The following ANO3 variants were observed in gnomAD, a reference collection of about 807,000 sequenced individuals.
ANO3 encodes anoctamin-3.
ANO3 carries 99 observed loss-of-function variants against 144.8 expected under a neutral mutation model. The observed-to-expected ratio is 0.68, with a 90% CI of 0.58 to 0.81. The LOEUF (loss-of-function observed/expected upper bound fraction) is 0.81, where lower values mean the gene tolerates loss of function less well. Ranked by LOEUF, ANO3 falls within the 30% of genes least tolerant of loss-of-function variation. The pLI is 0.00. For synonymous variants in ANO3, 414 were observed against 392.6 expected (o/e 1.05, Z -0.64); for missense variants, 905 against 1,202.2 (o/e 0.75, Z 3.66).
intron 1 of ANO3, among the ~76,000 whole-genome samples, chr11:26,283,321 A>AATATATATATATATATAT (rs58419788): frequency 3.1e-4 from 15 of 49,096 alleles, no homozygotes; most frequent in African/African-American, 4.5e-4. Flanking sequence ...CAAATAAATA[A>AATATATATATATATATAT]ATATATATAT....
At chr11:26,555,287 T>C (rs1477313797) in intron 13 of ANO3, among the ~76,000 whole-genome samples, 1 of 152,140 alleles carries the variant, frequency 6.6e-6, no homozygotes, top group East Asian at 1.9e-4. Flanking sequence ...CATATGTCTC[T>C]CTCCTAGCCT....
chr11:26,394,851 C>T (rs972269067), intron 1 of ANO3, among the ~76,000 whole-genome samples: 14 of 152,140 alleles, frequency 9.2e-5, no homozygotes, highest in African/African-American at 3.4e-4. Context: ...GCTGGGATTA[C>T]AGGCTTGAGC....
intron 1 of ANO3, among the ~76,000 whole-genome samples, chr11:26,280,771 C>T (rs938856218): frequency 6.6e-6 from 1 of 152,184 alleles, no homozygotes; most frequent in Non-Finnish European, 1.5e-5. Flanking sequence ...GTTCTAAAAT[C>T]AGTCACCTGT....
chr11:26,390,074 C>CTTAA (rs1856835878), intron 1 of ANO3, among the ~76,000 whole-genome samples: 1 of 152,038 alleles, frequency 6.6e-6, no homozygotes, highest in African/African-American at 2.4e-5. Context: ...CATTTCCTGA[C>CTTAA]TTAACATGGT....
At chr11:26,495,410 A>C (rs1327325613) in intron 4 of ANO3, among the ~76,000 whole-genome samples, 1 of 152,008 alleles carries the variant, frequency 6.6e-6, no homozygotes, top group African/African-American at 2.4e-5. Context: ...CACCTGGCCA[A>C]AATCTAACTT....
At chr11:26,415,203 A>G (rs113764355) in intron 1 of ANO3, among the ~76,000 whole-genome samples, 18 of 152,148 alleles carry the variant, frequency 1.2e-4, no homozygotes, top group African/African-American at 4.1e-4. Context: ...TGTTGTTGGC[A>G]TATGAAAAAA....
At chr11:26,281,457 A>C (rs1215161907) in intron 1 of ANO3, among the ~76,000 whole-genome samples, 2 of 152,172 alleles carry the variant, frequency 1.3e-5, no homozygotes. Flanking sequence ...TTAGCTAAGA[A>C]CCTGTCCAAA....
intron 26 of ANO3, among the ~76,000 whole-genome samples, chr11:26,659,680 G>T (rs897325173): frequency 1.3e-5 from 2 of 152,056 alleles, no homozygotes; most frequent in Non-Finnish European, 2.9e-5. Flanking sequence ...CTGGGCAAAA[G>T]AATGAGATGC....
intron 4 of ANO3, among the ~76,000 whole-genome samples, chr11:26,477,193 C>T (rs544762047): frequency 6.6e-6 from 1 of 152,088 alleles, no homozygotes; most frequent in South Asian, 2.1e-4. Flanking sequence ...TGGTTTCCAT[C>T]GTCAAAAAGT....
Position 26,335,119 on chromosome 11 carries a change from C to T in ANO3, c.46+2798C>T, listed in dbSNP as rs533550493. ...GTAAGCCCTAATTTATTAATTTAAT[C>T]TCTGGTCTTTATTTTGAGCCCTGGA... is the stretch of plus-strand genomic sequence containing the variant. On this transcript the variant is annotated intron_variant, in intron 1 of 26. Transcript: ENST00000256737. 3.9e-5 allele frequency among the ~76,000 whole-genome samples: 6 copies of T among 152,244 alleles called. No individual in the cohort carries two copies. In the South Asian group the frequency reaches 1.2e-3, roughly 32 times the overall value.
intron 11 of ANO3, among the ~76,000 whole-genome samples, chr11:26,544,394 A>G (rs1320701698): frequency 6.6e-6 from 1 of 150,734 alleles, no homozygotes; most frequent in East Asian, 2.0e-4. Flanking sequence ...GGTTGAACTC[A>G]TAGAAGCAGA....
intron 4 of ANO3, among the ~76,000 whole-genome samples, chr11:26,487,229 A>G (rs1860488284): frequency 6.6e-6 from 1 of 152,180 alleles, no homozygotes; most frequent in African/African-American, 2.4e-5. Context: ...TTCCCACGCT[A>G]TTCTCATGAT....
intron 3 of ANO3, among the ~76,000 whole-genome samples, chr11:26,458,975 G>A (rs190419548): frequency 7.4e-4 from 112 of 152,248 alleles, no homozygotes; most frequent in Middle Eastern, 6.8e-3. Flanking sequence ...GAACTATGGA[G>A]ACTGTATTTT....
At chr11:26,394,189 C>T (rs1856947341) in intron 1 of ANO3, among the ~76,000 whole-genome samples, 1 of 152,022 alleles carries the variant, frequency 6.6e-6, no homozygotes, top group Non-Finnish European at 1.5e-5. Flanking sequence ...AAATTCTAAT[C>T]ATATTTTCTA....
rs533668322 is a variant in ANO3, at chr11:26,566,002, T to G, written c.1447+6223T>G. ...TAAAAATCTAGACATAATATAGAGA[T>G]GGTAATATCATATTTTTATTCCAAA... On this transcript the variant is annotated intron_variant, in intron 14 of 26. Coordinates refer to ENST00000256737, the MANE Select transcript of ANO3 (RefSeq NM_031418.4). 13 of 1,132,790 alleles carry G rather than the reference T, an allele frequency of 1.1e-5. 1 individual carries two copies. The South Asian group carries it at 2.1e-4, about 18-fold the overall frequency. 70.2% of individuals were successfully genotyped at this position (1,132,790 alleles called of 1,614,324 possible).
intron 1 of ANO3, among the ~76,000 whole-genome samples, chr11:26,438,682 G>T (rs1279327037): frequency 6.6e-6 from 1 of 151,014 alleles, no homozygotes; most frequent in African/African-American, 2.4e-5. Flanking sequence ...GGGGGCTGGG[G>T]CAGGAAAGTG....
intron 1 of ANO3, among the ~76,000 whole-genome samples, chr11:26,190,332 T>C (rs1851451147): frequency 6.6e-6 from 1 of 152,126 alleles, no homozygotes; most frequent in African/African-American, 2.4e-5. Flanking sequence ...ATTATATGAG[T>C]TGTTTTACAG....
chr11:26,302,358 G>C (rs527544918), intron 1 of ANO3, among the ~76,000 whole-genome samples: 2 of 152,232 alleles, frequency 1.3e-5, no homozygotes, highest in South Asian at 4.2e-4. Flanking sequence ...AGCTGGGCAT[G>C]GTGACGCACG....
chr11:26,240,892 C>T (rs557157743), intron 1 of ANO3, among the ~76,000 whole-genome samples: 4 of 152,220 alleles, frequency 2.6e-5, no homozygotes, highest in African/African-American at 9.6e-5. Context: ...AAATTCATTG[C>T]TTATGACAGC....
Sources: gnomAD v4.1 joint callset for allele counts (sites outside exome capture counted in the v4.1 genomes callset) on GRCh38, gnomAD v4.1.1 for gene constraint, MANE v1.5 for transcripts, NCBI Gene and HGNC (gene_info 2026-07-23, HGNC 2026-07-21) for gene names.